The following PLXNA4 variants were observed in gnomAD, a reference collection of about 807,000 sequenced individuals.
PLXNA4 encodes the protein plexin A4.
PLXNA4 carries 44 observed loss-of-function variants against 191.8 expected under a neutral mutation model. The ratio of observed to expected loss-of-function variants is 0.23; its 90% CI spans 0.18 to 0.29. The LOEUF is 0.29. Ranked by LOEUF, PLXNA4 falls within the 10% of genes least tolerant of loss-of-function variation. PLXNA4 has a pLI of 1.00. For synonymous variants in PLXNA4, 1,082 were observed against 1,009.5 expected, an observed-to-expected ratio of 1.07 and a Z score of -1.36; for missense variants, 1,800 against 2,488.8, an observed-to-expected ratio of 0.72 and a Z score of 5.89.
rs368378547 is a variant in PLXNA4, at chr7:132,377,377, C to T, written c.1372-79155G>A. The stretch of plus-strand genomic sequence containing the variant: ...TACAGAATGTGTTTCCCTGATAAGC[C>T]CAGAGCTTTTCCAGACACAGTCTTC... On this transcript the variant is annotated intron_variant, in intron 3 of 31. Transcript: ENST00000321063. Among the ~76,000 whole-genome samples the T allele has an allele frequency of 6.6e-5, 10 of 151,328 alleles. No individual in the cohort carries two copies. In the East Asian group the frequency reaches 1.9e-3, roughly 29 times the overall value.
At chr7:132,596,538 A>C (rs1355250755) in intron 2 of PLXNA4, among the ~76,000 whole-genome samples, 1 of 152,258 alleles carries the variant, frequency 6.6e-6, no homozygotes. Flanking sequence ...ATGAAGATTT[A>C]AAGGTTTCTC....
upstream of PLXNA4, among the ~76,000 whole-genome samples, chr7:132,577,509 G>C (rs113461988): frequency 0.038 from 5,780 of 151,724 alleles, 255 homozygotes; most frequent in African/African-American, 0.1. Context: ...GACATCTAGA[G>C]CGAGGGAGAG....
intron 3 of PLXNA4, among the ~76,000 whole-genome samples, chr7:132,477,112 G>A (rs1224017789): frequency 6.6e-6 from 1 of 152,184 alleles, no homozygotes; most frequent in East Asian, 1.9e-4. Context: ...AAGTCAAGAA[G>A]TGCCTAGCGC....
rs1479254503 is a variant in PLXNA4 at position 132,223,353 on chromosome 7, C to T, written c.2097+174G>A. 3.9e-5 allele frequency among the ~76,000 whole-genome samples: 6 copies of T among 152,200 alleles called. No individual in the cohort carries two copies. The East Asian group carries it at 1.2e-3, about 29-fold the overall frequency. ...AGGGCTGATCCAGAACCCACAGTCC[C>T]AGCACAGAGCTTGGCATATTTCCTG... On this transcript the variant is annotated intron_variant, in intron 9 of 31. Transcript: ENST00000321063.
chr7:132,449,140 A>T (rs1796023795), intron 3 of PLXNA4, among the ~76,000 whole-genome samples: 1 of 152,216 alleles, frequency 6.6e-6, no homozygotes, highest in Admixed American at 6.5e-5. Flanking sequence ...ATAGACACTG[A>T]TTAGGCATAC....
chr7:132,546,998 C>A (rs904540692), intron 1 of PLXNA4, among the ~76,000 whole-genome samples: 1 of 152,162 alleles, frequency 6.6e-6, no homozygotes, highest in East Asian at 1.9e-4. Context: ...TAATTTGTTA[C>A]AAGTGGCCTG....
At chr7:132,383,997 A>G (rs1805008974) in intron 3 of PLXNA4, 1 of 985,338 alleles carries the variant, frequency 1.0e-6, no homozygotes. Flanking sequence ...GCAGGTGCAC[A>G]TGGCCTGTTA....
At chr7:132,585,070 G>A (rs925831837) in intron 2 of PLXNA4, among the ~76,000 whole-genome samples, 6 of 151,998 alleles carry the variant, frequency 3.9e-5, no homozygotes, top group African/African-American at 7.2e-5. Context: ...TCTGGTAAAC[G>A]TCCCAGAGAA....
intron 3 of PLXNA4, among the ~76,000 whole-genome samples, chr7:132,457,859 GCCC>G (rs1796365881): frequency 6.6e-6 from 1 of 152,220 alleles, no homozygotes; most frequent in Non-Finnish European, 1.5e-5. Context: ...AAGGAATGCA[GCCC>G]CAGAGGCTGG....
chr7:132,466,926 G>A (rs1471315883), intron 3 of PLXNA4, among the ~76,000 whole-genome samples: 1 of 152,134 alleles, frequency 6.6e-6, no homozygotes, highest in Non-Finnish European at 1.5e-5. Context: ...ACTCCTGCTG[G>A]GGGAAGCTGC....
chr7:132,363,540 A>T (rs1157883574), intron 3 of PLXNA4, among the ~76,000 whole-genome samples: 1 of 152,214 alleles, frequency 6.6e-6, no homozygotes, highest in Admixed American at 6.5e-5. Context: ...TTTAAGACTG[A>T]ATATTATTCC....
Position 132,573,979 on chromosome 7 carries a change from G to A in PLXNA4, c.-87+2443C>T, listed in dbSNP as rs114399444. Among the ~76,000 whole-genome samples the A allele has an allele frequency of 3.9e-3, 601 of 152,300 alleles. 5 individuals carry two copies. Among genetic ancestry groups the A allele is most frequent in the African/African-American group, 0.013 (553 of 41,554 alleles). Reference sequence around the variant, plus strand: ...AGTGGCAGAGAGGGTGAATGACAGCGTGGCATGCTCCAGGGCTGGGCAAGA... The same window carrying A: ...AGTGGCAGAGAGGGTGAATGACAGCATGGCATGCTCCAGGGCTGGGCAAGA... On this transcript the variant is annotated intron_variant, in intron 1 of 31. Transcript: ENST00000321063.
At chr7:132,191,203 C>A (rs1411002648) in intron 14 of PLXNA4, among the ~76,000 whole-genome samples, 7 of 152,056 alleles carry the variant, frequency 4.6e-5, no homozygotes, top group African/African-American at 1.2e-4. Flanking sequence ...TGGATTACAA[C>A]AGGTTCAGAG....
At chr7:132,242,777 G>A (rs1798925414) in intron 4 of PLXNA4, among the ~76,000 whole-genome samples, 1 of 152,078 alleles carries the variant, frequency 6.6e-6, no homozygotes, top group African/African-American at 2.4e-5. Context: ...AGCCGTGCCT[G>A]GAGTCTGCCT....
intron 3 of PLXNA4, among the ~76,000 whole-genome samples, chr7:132,486,659 C>T (rs1231958867): frequency 5.3e-5 from 8 of 152,242 alleles, no homozygotes; most frequent in Admixed American, 5.2e-4. Context: ...ATGTTTATGC[C>T]TCACCAGCCC....
intron 3 of PLXNA4, among the ~76,000 whole-genome samples, chr7:132,321,564 A>G (rs2116639529): frequency 6.6e-6 from 1 of 152,288 alleles, no homozygotes; most frequent in Admixed American, 6.5e-5. Context: ...GGCCTTGTTC[A>G]AAGCAACACT....
At chr7:132,523,183 G>A (rs982209805) in intron 1 of PLXNA4, among the ~76,000 whole-genome samples, 32 of 152,142 alleles carry the variant, frequency 2.1e-4, no homozygotes, top group Non-Finnish European at 3.5e-4. Context: ...ATTTAATAGG[G>A]AGGATACACA....
chr7:132,155,036 G>A (rs1221824086), intron 25 of PLXNA4, among the ~76,000 whole-genome samples: 2 of 152,236 alleles, frequency 1.3e-5, no homozygotes, highest in South Asian at 2.1e-4. Flanking sequence ...TCAGAAGATA[G>A]TGTATCTTTT....
At chr7:132,419,942 G>GA (rs978616705) in intron 3 of PLXNA4, among the ~76,000 whole-genome samples, 1 of 151,442 alleles carries the variant, frequency 6.6e-6, no homozygotes, top group Non-Finnish European at 1.5e-5. Context: ...ATTAAATACG[G>GA]AAAAAAAATC....
Sources: gnomAD v4.1 joint callset for allele counts (sites outside exome capture counted in the v4.1 genomes callset) on GRCh38, gnomAD v4.1.1 for gene constraint, MANE v1.5 for transcripts, NCBI Gene and HGNC (gene_info 2026-07-23, HGNC 2026-07-21) for gene names.